BANK1: variants seen among roughly 807,000 people sequenced by gnomAD.
The protein encoded by BANK1 is B-cell scaffold protein with ankyrin repeats.
Under a neutral mutation model 94.5 loss-of-function variants are expected in BANK1, and 95 were observed. That is an observed-to-expected ratio of 1.00 (90% CI 0.85 to 1.19). The LOEUF is 1.19. Among genes scored for constraint, BANK1 ranks in the 50% most tolerant of loss-of-function variants. BANK1 has a pLI of 0.00. For missense variants in BANK1, 987 were observed against 932.2 expected, an observed-to-expected ratio of 1.06 and a Z score of -0.77; for synonymous variants, 334 against 308.4, an observed-to-expected ratio of 1.08 and a Z score of -0.87.
At chr4:101,991,268 G>C (rs1725695769) in intron 7 of BANK1, among the ~76,000 whole-genome samples, 1 of 152,126 alleles carries the variant, frequency 6.6e-6, no homozygotes, top group Admixed American at 6.6e-5. Context: ...TTCTCATTTA[G>C]AACTTCAAAG....
intron 7 of BANK1, among the ~76,000 whole-genome samples, chr4:101,936,080 G>C (rs1326147611): frequency 6.6e-6 from 1 of 151,246 alleles, no homozygotes; most frequent in African/African-American, 2.4e-5. Flanking sequence ...GTTCTATACA[G>C]CAAAGGAAAC....
intron 1 of BANK1, among the ~76,000 whole-genome samples, chr4:101,802,558 A>C (rs1164793281): frequency 6.6e-6 from 1 of 152,214 alleles, no homozygotes; most frequent in African/African-American, 2.4e-5. Flanking sequence ...ATTAGCACAC[A>C]TTACATTTCT....
intron 5 of BANK1, among the ~76,000 whole-genome samples, chr4:101,873,348 TA>T (rs932726578): frequency 6.6e-5 from 10 of 152,182 alleles, no homozygotes; most frequent in Admixed American, 6.5e-4. Context: ...TCAGTAATCC[TA>T]AAAATTAGTA....
chr4:101,832,941 CTTT>C (rs1405341348), intron 2 of BANK1, among the ~76,000 whole-genome samples: 1 of 148,866 alleles, frequency 6.7e-6, no homozygotes, highest in Non-Finnish European at 1.5e-5. Flanking sequence ...CACTTTTTCT[CTTT>C]TAGTATCTTT....
chr4:101,882,056 G>C (rs907156899), intron 5 of BANK1, among the ~76,000 whole-genome samples: 1 of 152,032 alleles, frequency 6.6e-6, no homozygotes, highest in African/African-American at 2.4e-5. Flanking sequence ...GTACATTTTA[G>C]AGTAACTAAA....
intron 10 of BANK1, among the ~76,000 whole-genome samples, chr4:102,034,065 T>C (rs953859205): frequency 2.0e-5 from 3 of 151,970 alleles, no homozygotes; most frequent in Non-Finnish European, 4.4e-5. Context: ...GCAGATCTAT[T>C]AAGTCAAGTT....
chr4:102,034,302 A>C (rs1727423741), intron 10 of BANK1, among the ~76,000 whole-genome samples: 1 of 152,218 alleles, frequency 6.6e-6, no homozygotes, highest in South Asian at 2.1e-4. Context: ...AGGCAAAGGA[A>C]AACCATGCTG....
rs1412841217 is a variant in BANK1 at position 102,071,300 on chromosome 4, A to G, written c.2238A>G (p.Pro746=). 6.2e-7 allele frequency: 1 copy of G among 1,613,916 alleles called. No individual in the cohort carries two copies. Among genetic ancestry groups the G allele is most frequent in the Non-Finnish European group, 8.5e-7 (1 of 1,179,820 alleles). ...ATAAACTCACCATTGTGCACCATCCAGGTGGTAAGTGCTTGGTATTTATTG... is the reference window on the plus strand; with the variant it reads ...ATAAACTCACCATTGTGCACCATCCGGGTGGTAAGTGCTTGGTATTTATTG... The part of the protein sequence containing the change: ...VYNKLTIVHH[P]GGKETAHNEN... The change falls in exon 14 of 17, where the codon CCA becomes CCG. Residue 746 remains proline, a synonymous_variant. Transcript: ENST00000322953.
intron 7 of BANK1, among the ~76,000 whole-genome samples, chr4:101,936,301 A>G (rs116144297): frequency 0.011 from 1,706 of 150,522 alleles, 31 homozygotes; most frequent in African/African-American, 0.039. Flanking sequence ...ATGCACACAT[A>G]CATGCATATG....
At chr4:101,803,813 C>T (rs1323322392) in intron 1 of BANK1, among the ~76,000 whole-genome samples, 6 of 150,338 alleles carry the variant, frequency 4.0e-5, no homozygotes, top group East Asian at 1.9e-4. Flanking sequence ...CCGGCTAAAA[C>T]GGTGAAACCC....
intron 7 of BANK1, among the ~76,000 whole-genome samples, chr4:101,974,015 TTG>T (rs1725044313): frequency 6.6e-6 from 1 of 152,134 alleles, no homozygotes; most frequent in Non-Finnish European, 1.5e-5. Context: ...TTAATTATTA[TTG>T]TTGTGTTAAT....
chr4:102,069,652 G>T (rs919435081), intron 13 of BANK1, among the ~76,000 whole-genome samples: 5 of 152,152 alleles, frequency 3.3e-5, no homozygotes, highest in Non-Finnish European at 7.3e-5. Context: ...ACAAAAGTTC[G>T]TGGCAGTTTC....
chr4:101,813,724 C>A (rs548130417), intron 1 of BANK1: 5 of 211,126 alleles, frequency 2.4e-5, no homozygotes, highest in Non-Finnish European at 4.1e-5. Context: ...CTTGTAAACT[C>A]CATGCAGAAG....
rs2276334 is a variant in BANK1 at position 101,955,179 on chromosome 4, C to T, written c.1206+36990C>T. 5.6e-3 allele frequency among the ~76,000 whole-genome samples: 850 copies of T among 152,032 alleles called. 14 individuals are homozygous for T. In the East Asian group the frequency reaches 0.056, roughly 10 times the overall value. ...GCAAGAGAGAGCACATTAGACCAAG[C>T]GAGCAGCCAGAAACAGCAATAAAAT... On this transcript the variant is annotated intron_variant, in intron 7 of 16. Transcript: ENST00000322953.
chr4:102,050,139 T>A (rs1021832835), intron 11 of BANK1, among the ~76,000 whole-genome samples: 2 of 152,198 alleles, frequency 1.3e-5, no homozygotes, highest in Non-Finnish European at 2.9e-5. Flanking sequence ...CTTTCATTCC[T>A]GCTCTAAAAC....
chr4:101,986,897 G>GTATATATATATATATA lies in BANK1; in HGVS notation c.1207-34616_1207-34615insATATATATATATATAT, dbSNP rs1377407537. 5.0e-4 allele frequency among the ~76,000 whole-genome samples: 29 copies of GTATATATATATATATA among 58,030 alleles called. 1 individual carries two copies. Among genetic ancestry groups the GTATATATATATATATA allele is most frequent in the East Asian group, 3.6e-3 (10 of 2,798 alleles). The allele number at this position is 58,030 out of a possible 152,430, so 38.1% of individuals were successfully genotyped here. ...TATGTGTGTGTGTGTGTGTGTGTGT[G>GTATATATATATATATA]TGTATATATATATATATATATATAT... is the stretch of plus-strand genomic sequence containing the variant. On this transcript the variant is annotated intron_variant, in intron 7 of 16. Coordinates refer to ENST00000322953, the MANE Select transcript of BANK1 (RefSeq NM_017935.5).
intron 7 of BANK1, among the ~76,000 whole-genome samples, chr4:101,963,838 T>C (rs1390344784): frequency 6.6e-6 from 1 of 152,132 alleles, no homozygotes; most frequent in African/African-American, 2.4e-5. Context: ...CTGAAAGGCC[T>C]TTCCTTCACT....
At chr4:102,057,576 C>T (rs1242481242) in intron 11 of BANK1, among the ~76,000 whole-genome samples, 2 of 152,104 alleles carry the variant, frequency 1.3e-5, no homozygotes, top group Non-Finnish European at 2.9e-5. Flanking sequence ...ACCAATCCAC[C>T]TGCATCGGCC....
chr4:101,987,874 A>G (rs1218835438), intron 7 of BANK1, among the ~76,000 whole-genome samples: 1 of 152,186 alleles, frequency 6.6e-6, no homozygotes. Flanking sequence ...GCAACGAAAC[A>G]TGAGTAGCAG....
Sources: allele counts gnomAD v4.1 joint callset (sites outside exome capture counted in the v4.1 genomes callset), GRCh38; gene constraint gnomAD v4.1.1; transcripts MANE v1.5; gene names NCBI Gene and HGNC (gene_info 2026-07-23, HGNC 2026-07-21).